The following EBF1 variants were observed in gnomAD, a reference collection of about 807,000 sequenced individuals.
The protein encoded by EBF1 is EBF transcription factor 1, also known as transcription factor COE1.
In EBF1, 10 loss-of-function variants were observed where a neutral mutation model predicts 68.4. The ratio of observed to expected loss-of-function variants is 0.15; its 90% CI spans 0.09 to 0.25. The LOEUF (loss-of-function observed/expected upper bound fraction) is 0.25, where lower values mean the gene tolerates loss of function less well. EBF1 is among the 10% of genes least tolerant of loss of function. EBF1 has a pLI of 1.00. For synonymous variants in EBF1, 298 were observed against 299.8 expected (o/e 0.99, Z 0.06); for missense variants, 509 against 794.4 (o/e 0.64, Z 4.32).
At chr5:158,899,225 T>C (rs1802782948) in intron 6 of EBF1, among the ~76,000 whole-genome samples, 2 of 152,218 alleles carry the variant, frequency 1.3e-5, no homozygotes, top group Admixed American at 1.3e-4. Flanking sequence ...CGTACACTAG[T>C]ACAAAAATAT....
At chr5:159,005,876 G>A (rs1438156788) in intron 6 of EBF1, among the ~76,000 whole-genome samples, 1 of 152,152 alleles carries the variant, frequency 6.6e-6, no homozygotes, top group Non-Finnish European at 1.5e-5. Context: ...TATAGGTTAA[G>A]CTATAGGTTA....
chr5:158,839,134 A>T (rs988375241), intron 7 of EBF1, among the ~76,000 whole-genome samples: 2 of 152,206 alleles, frequency 1.3e-5, no homozygotes, highest in African/African-American at 4.8e-5. Flanking sequence ...GAAGTAAATG[A>T]ATTTGTTTGT....
intron 6 of EBF1, among the ~76,000 whole-genome samples, chr5:158,940,777 C>CCCCCCACT: frequency 1.9e-5 from 1 of 51,556 alleles, no homozygotes; most frequent in African/African-American, 5.0e-5. Flanking sequence ...CCCCCCCCCC[C>CCCCCCACT]CCGCAGGTCA....
intron 4 of EBF1, among the ~76,000 whole-genome samples, chr5:159,085,575 C>T (rs1402787248): frequency 6.6e-6 from 1 of 152,180 alleles, no homozygotes; most frequent in Non-Finnish European, 1.5e-5. Flanking sequence ...AAGCAATGCA[C>T]ACAGCTATTA....
intron 6 of EBF1, among the ~76,000 whole-genome samples, chr5:159,001,222 T>A (rs1021746186): frequency 6.6e-6 from 1 of 152,232 alleles, no homozygotes; most frequent in Non-Finnish European, 1.5e-5. Context: ...TATGTTAACA[T>A]GTGATGGGGT....
At chr5:158,753,546 C>T (rs545520771) in intron 10 of EBF1, among the ~76,000 whole-genome samples, 1 of 152,154 alleles carries the variant, frequency 6.6e-6, no homozygotes, top group South Asian at 2.1e-4. Context: ...TGAAGTGTCT[C>T]GACCACACCA....
rs184719833 is a variant in EBF1 at position 158,909,884 on chromosome 5, G to A, written c.555-69774C>T. 1.8e-3 allele frequency among the ~76,000 whole-genome samples: 258 copies of A among 141,710 alleles called. 1 individual carries two copies. The highest frequency in any genetic ancestry group is 1.4e-3 in the South Asian group (6 of 4,232). 93.0% of individuals were successfully genotyped at this position (141,710 alleles called of 152,430 possible). On this transcript the variant is annotated intron_variant, in intron 6 of 15. Transcript: ENST00000313708. ...CCAGGGAGGCAGAGGTTGAACCAGG[G>A]AAGCAGAGGTTGCAGTGAGCCGAGA...
At chr5:159,017,167 C>T (rs549817369) in intron 6 of EBF1, among the ~76,000 whole-genome samples, 2 of 152,218 alleles carry the variant, frequency 1.3e-5, no homozygotes, top group Non-Finnish European at 2.9e-5. Context: ...ATATCTAATG[C>T]GTATCTCAAT....
chr5:158,900,842 G>A (rs749466379), intron 6 of EBF1, among the ~76,000 whole-genome samples: 11 of 152,156 alleles, frequency 7.2e-5, no homozygotes, highest in South Asian at 2.1e-4. Context: ...GTAAGGTCCC[G>A]CAGATAGTAT....
At chr5:158,905,316 A>AT (rs898458274) in intron 6 of EBF1, among the ~76,000 whole-genome samples, 1 of 152,008 alleles carries the variant, frequency 6.6e-6, no homozygotes, top group African/African-American at 2.4e-5. Flanking sequence ...ATGTGAATGT[A>AT]TTTTTTTTAA....
chr5:158,798,752 AAGAGCATCAAGCTTCC>A (rs1780039671), intron 8 of EBF1, among the ~76,000 whole-genome samples: 2 of 152,216 alleles, frequency 1.3e-5, no homozygotes, highest in African/African-American at 2.4e-5. Flanking sequence ...AGAGGCAAGA[AAGAGCATCAAGCTTCC>A]AGAGATAACC....
intron 10 of EBF1, among the ~76,000 whole-genome samples, chr5:158,753,358 A>C (rs1235575596): frequency 6.6e-6 from 1 of 152,142 alleles, no homozygotes; most frequent in Non-Finnish European, 1.5e-5. Context: ...TTTTGAAACC[A>C]TTTAAACATA....
In EBF1 at chr5:158,710,753, T is replaced by C. The variant is rs375320388; in HGVS notation, c.1549+1401A>G. Among the ~76,000 whole-genome samples the C allele has an allele frequency of 2.0e-5, 3 of 152,194 alleles. No individual in the cohort carries two copies. The East Asian group carries it at 5.8e-4, about 29-fold the overall frequency. On this transcript the variant is annotated intron_variant, in intron 14 of 15. Transcript: ENST00000313708. The stretch of plus-strand genomic sequence containing the variant: ...TTCCTCTTTCAAAGAACTAGAACAA[T>C]CCATACTTTCACTATGAGACAGGGC...
intron 6 of EBF1, among the ~76,000 whole-genome samples, chr5:158,847,734 C>A (rs761473779): frequency 1.1e-4 from 17 of 152,184 alleles, no homozygotes; most frequent in Non-Finnish European, 2.2e-4. Flanking sequence ...ATCACAAAAC[C>A]AAGTGTCCGT....
At chr5:158,785,927 G>T (rs1299411250) in intron 9 of EBF1, among the ~76,000 whole-genome samples, 1 of 152,086 alleles carries the variant, frequency 6.6e-6, no homozygotes, top group African/African-American at 2.4e-5. Context: ...GCCCCATAAG[G>T]ATATGACCTT....
intron 10 of EBF1, among the ~76,000 whole-genome samples, chr5:158,736,296 G>A (rs751540273): frequency 2.7e-4 from 41 of 152,154 alleles, no homozygotes; most frequent in Non-Finnish European, 5.7e-4. Context: ...TCCTGGAAAC[G>A]ATGGAAATGA....
At chr5:159,043,102 T>C (rs1281070888) in intron 6 of EBF1, among the ~76,000 whole-genome samples, 2 of 152,160 alleles carry the variant, frequency 1.3e-5, no homozygotes, top group East Asian at 3.9e-4. Flanking sequence ...CACCAAGCAA[T>C]CCAGCAGGAT....
chr5:158,932,263 G>T (rs919679254), intron 6 of EBF1, among the ~76,000 whole-genome samples: 5 of 152,102 alleles, frequency 3.3e-5, no homozygotes, highest in Non-Finnish European at 7.3e-5. Context: ...ATTGCAGATT[G>T]GTTAGATAAA....
intron 9 of EBF1, among the ~76,000 whole-genome samples, chr5:158,779,244 C>A (rs1282286696): frequency 6.7e-6 from 1 of 150,062 alleles, no homozygotes; most frequent in Non-Finnish European, 1.5e-5. Flanking sequence ...TTTTTTTTTT[C>A]AGGTGAGAAA....
Sources: gnomAD v4.1 joint callset for allele counts (sites outside exome capture counted in the v4.1 genomes callset) on GRCh38, gnomAD v4.1.1 for gene constraint, MANE v1.5 for transcripts, NCBI Gene and HGNC (gene_info 2026-07-23, HGNC 2026-07-21) for gene names.